PTBP2: variants seen among roughly 807,000 people sequenced by gnomAD.
PTBP2 encodes polypyrimidine tract binding protein 2.
In PTBP2, 13 loss-of-function variants were observed where a neutral mutation model predicts 61.4. The observed-to-expected ratio is 0.21, with a 90% confidence interval of 0.14 to 0.34. PTBP2 has a LOEUF of 0.34. PTBP2 is among the 10% of genes least tolerant of loss of function. The probability of loss-of-function intolerance (pLI) is 1.00; values close to 1 mark genes in which losing one functional copy is unlikely to be tolerated. For synonymous variants in PTBP2, 215 were observed against 218.5 expected (o/e 0.98, Z 0.14); for missense variants, 405 against 642.6 (o/e 0.63, Z 4.00).
chr1:96,770,751 T>C lies in PTBP2; in HGVS notation c.332T>C (p.Val111Ala). 6.2e-7 allele frequency: 1 copy of C among 1,611,922 alleles called. No individual in the cohort carries two copies. Among genetic ancestry groups the C allele is most frequent in the South Asian group, 1.1e-5 (1 of 91,004 alleles). Residue 111 changes from valine (V) to alanine (A), a missense_variant, in exon 5 of 14, where the codon GTT becomes GCT. Val to Ala is a moderately conservative substitution (Grantham distance 64). Around this residue, in one of 4 missense-constraint regions of PTBP2, gnomAD observed 342 missense variants for 491.2 expected, o/e 0.70. Transcript: ENST00000674951. ...ACCGAGGAAGCAGCTATTACTATGG[T>C]TAATTACTATTCTGCTGTGACACCT... ...LATEEAAITM[V>A]NYYSAVTPHL...
chr1:96,795,336 T>TA (rs1660267763), intron 8 of PTBP2, among the ~76,000 whole-genome samples: 1 of 152,134 alleles, frequency 6.6e-6, no homozygotes, highest in African/African-American at 2.4e-5. Context: ...AAATTATATG[T>TA]AAAAGTAATA....
exon 14 of PTBP2, chr1:96,821,637 A>ATTG (rs71590212): frequency 2.6e-5 from 4 of 151,782 alleles, no homozygotes; most frequent in Non-Finnish European, 5.9e-5. Context: ...TATTATTATT[A>ATTG]TTATTATTTT....
chr1:96,757,721 C>T (rs150893954), intron 3 of PTBP2, among the ~76,000 whole-genome samples: 32 of 152,158 alleles, frequency 2.1e-4, no homozygotes, highest in African/African-American at 7.7e-4. Context: ...TGATTGACAG[C>T]TAATGTATCT....
At chr1:96,803,980 A>G (rs985852652) in intron 8 of PTBP2, among the ~76,000 whole-genome samples, 2 of 152,148 alleles carry the variant, frequency 1.3e-5, no homozygotes, top group African/African-American at 2.4e-5. Flanking sequence ...TGAAAAGTAG[A>G]TGAACGGTGC....
intron 8 of PTBP2, among the ~76,000 whole-genome samples, chr1:96,803,111 G>C (rs1465572092): frequency 6.6e-6 from 1 of 152,158 alleles, no homozygotes; most frequent in South Asian, 2.1e-4. Context: ...ACATGGAAAA[G>C]TTAGTAATAT....
At chr1:96,762,856 C>T (rs926222194) in intron 3 of PTBP2, among the ~76,000 whole-genome samples, 12 of 151,098 alleles carry the variant, frequency 7.9e-5, no homozygotes, top group Admixed American at 6.6e-4. Flanking sequence ...CTCCTCGCTT[C>T]TCAGATGGGG....
At chr1:96,751,827 T>C (rs1196337355) in intron 3 of PTBP2, among the ~76,000 whole-genome samples, 1 of 152,110 alleles carries the variant, frequency 6.6e-6, no homozygotes, top group South Asian at 2.1e-4. Context: ...GTGTGTCATA[T>C]AATATTTTTA....
At chr1:96,730,516 T>C (rs1410209977) in intron 2 of PTBP2, among the ~76,000 whole-genome samples, 1 of 152,226 alleles carries the variant, frequency 6.6e-6, no homozygotes, top group Non-Finnish European at 1.5e-5. Flanking sequence ...TATCTTTCTG[T>C]TATGTATTCA....
At chr1:96,813,248 G>A (rs273886) in intron 13 of PTBP2, 28 bp from the exon 14 acceptor site, 835,988 of 1,575,542 alleles carry the variant, frequency 0.53, 224,827 homozygotes, top group African/African-American at 0.71. Context: ...TGTATGAAGT[G>A]TCTAATTTTA....
At chr1:96,799,947 GT>G (rs1332976726) in intron 8 of PTBP2, among the ~76,000 whole-genome samples, 13 of 152,276 alleles carry the variant, frequency 8.5e-5, no homozygotes, top group Admixed American at 3.9e-4. Flanking sequence ...GGCTTTAAAA[GT>G]CCAGGAAAAT....
intron 2 of PTBP2, among the ~76,000 whole-genome samples, chr1:96,726,424 C>T (rs974934586): frequency 2.7e-5 from 4 of 150,666 alleles, no homozygotes; most frequent in Admixed American, 6.6e-5. Flanking sequence ...AGGCACACGC[C>T]GCCATGCCAG....
chr1:96,774,088 C>T (rs920690149), intron 5 of PTBP2, among the ~76,000 whole-genome samples: 2 of 151,380 alleles, frequency 1.3e-5, no homozygotes, highest in African/African-American at 4.9e-5. Context: ...CACTGCACTC[C>T]AGCCTCAGCA....
At chr1:96,764,974 G>A (rs919274405) in intron 3 of PTBP2, among the ~76,000 whole-genome samples, 3 of 152,272 alleles carry the variant, frequency 2.0e-5, no homozygotes, top group Non-Finnish European at 4.4e-5. Flanking sequence ...GGCTTTTTGC[G>A]TGGTGGCTGT....
chr1:96,762,388 G>T (rs1451789252), intron 3 of PTBP2, among the ~76,000 whole-genome samples: 1 of 149,674 alleles, frequency 6.7e-6, no homozygotes, highest in Non-Finnish European at 1.5e-5. Context: ...GGCTGGCCGG[G>T]CGGGGGGCTG....
intron 5 of PTBP2, among the ~76,000 whole-genome samples, chr1:96,773,721 A>G (rs1465375138): frequency 6.6e-6 from 1 of 152,092 alleles, no homozygotes; most frequent in African/African-American, 2.4e-5. Context: ...TCACACTTGT[A>G]ATCCCAGCAC....
rs1319574400 is a variant in PTBP2 at position 96,721,810 on chromosome 1, GGC to G, written c.-54_-53del. ...GCCGCCATTTTCTCGCCGCTTGTGT[GGC>G]TCGCTGGCTGCGTGGCTCGGTTCTT... On this transcript the variant is annotated 5_prime_UTR_variant, in exon 1 of 14. Transcript: ENST00000674951. 1.3e-6 allele frequency: 2 copies of G among 1,552,256 alleles called. No individual in the cohort carries two copies. The highest frequency in any genetic ancestry group is 4.9e-5 in the East Asian group (2 of 41,184).
In PTBP2 at chr1:96,813,944, T is replaced by G. The variant is rs1662317869; in HGVS notation, c.*539T>G. 6.6e-6 allele frequency: 1 copy of G among 152,524 alleles called. No homozygotes were observed. Among genetic ancestry groups the G allele is most frequent in the Non-Finnish European group, 1.5e-5 (1 of 67,968 alleles). 9.4% of individuals were successfully genotyped at this position (152,524 alleles called of 1,614,324 possible). On this transcript the variant is annotated 3_prime_UTR_variant, in exon 14 of 14. Coordinates refer to ENST00000674951, the MANE Select transcript of PTBP2 (RefSeq NM_021190.4). The stretch of plus-strand genomic sequence containing the variant: ...AGAATAAAGCAGCATTTTTAGTTTT[T>G]ACTACCTTAGGCTTTATTGCTTTGA...
At chr1:96,759,891 G>C (rs1393717712) in intron 3 of PTBP2, among the ~76,000 whole-genome samples, 1 of 152,106 alleles carries the variant, frequency 6.6e-6, no homozygotes, top group Non-Finnish European at 1.5e-5. Flanking sequence ...ATGTGACTGG[G>C]GAAGCCTCAT....
chr1:96,811,821 G>A (rs188965049), intron 11 of PTBP2, among the ~76,000 whole-genome samples: 33 of 152,238 alleles, frequency 2.2e-4, no homozygotes, highest in Non-Finnish European at 2.9e-5. Flanking sequence ...TATTTTGACT[G>A]GTGAATAAAA....
Sources: allele counts gnomAD v4.1 joint callset (sites outside exome capture counted in the v4.1 genomes callset), GRCh38; gene constraint gnomAD v4.1.1; regional missense constraint gnomAD v4.1.1; transcripts MANE v1.5; gene names NCBI Gene and HGNC (gene_info 2026-07-23, HGNC 2026-07-21).